The following MOB2 variants were observed in gnomAD, a reference collection of about 807,000 sequenced individuals.
MOB2 encodes the protein MOB2 Mps One Binder homolog.
A neutral mutation model predicts 27.4 loss-of-function variants in MOB2; 14 were observed. The ratio of observed to expected loss-of-function variants is 0.51; its 90% CI spans 0.34 to 0.80. MOB2 has a LOEUF of 0.80. Among genes scored for constraint, MOB2 ranks in the 30% least tolerant of loss-of-function variants. MOB2 has a pLI of 0.01. For missense variants in MOB2, 304 were observed against 354.6 expected (o/e 0.86, Z 1.15); for synonymous variants, 167 against 151.8 (o/e 1.10, Z -0.74).
At position 1,469,942 on chromosome 11, in the gene MOB2, T is replaced by C. The variant is rs2133355424; in HGVS notation, c.*230A>G. ...CATGCGTGTCTGCTGAACGAGTGAA[T>C]GGGCCCAAAGGCTCTTCTCTACAAA... On this transcript the variant is annotated 3_prime_UTR_variant, in exon 5 of 5. Transcript: ENST00000329957. 1 of 1,023,994 alleles carries C rather than the reference T, an allele frequency of 9.8e-7. No individual in the cohort carries two copies. The highest frequency in any genetic ancestry group is 1.4e-5 in the South Asian group (1 of 73,090). 63.4% of individuals were successfully genotyped at this position (1,023,994 alleles called of 1,614,324 possible). A position where few individuals can be genotyped will look rare whatever the true frequency, so the allele number is the denominator to read the frequency against.
intron 3 of MOB2, chr11:1,473,538 C>G (rs562076751): frequency 3.3e-4 from 50 of 152,286 alleles, no homozygotes; most frequent in African/African-American, 1.1e-3. Context: ...TCCAGGTACC[C>G]TGACACTGCA....
chr11:1,471,450 C>A (rs760997219), intron 3 of MOB2, 31 bp from the exon 4 acceptor site: 1 of 1,587,310 alleles, frequency 6.3e-7, no homozygotes, highest in Non-Finnish European at 8.6e-7. Context: ...TCAGGGCATG[C>A]GCCCGCTGCA....
chr11:1,473,129 T>A (rs2133359057), intron 3 of MOB2: 1 of 152,700 alleles, frequency 6.5e-6, no homozygotes, highest in East Asian at 1.9e-4. Context: ...AGCTCTCATG[T>A]GTGCCCTGTG....
chr11:1,481,151 G>A (rs747026309), intron 1 of MOB2: 2 of 605,718 alleles, frequency 3.3e-6, no homozygotes, highest in South Asian at 3.2e-5. Flanking sequence ...CTGCACGGAG[G>A]GCATCCTCAC....
At chr11:1,476,706 C>G (rs1038841504) in intron 3 of MOB2, among the ~76,000 whole-genome samples, 2 of 152,238 alleles carry the variant, frequency 1.3e-5, no homozygotes, top group African/African-American at 4.8e-5. Context: ...TGAAAGTCAT[C>G]TTCTTTTTCT....
At position 1,480,787 on chromosome 11, in the gene MOB2, T is replaced by C. The variant is rs746690324; in HGVS notation, c.209A>G (p.Gln70Arg). The C allele has an allele frequency of 1.9e-6, 3 of 1,601,028 alleles. No homozygotes were observed. The highest frequency in any genetic ancestry group is 2.6e-6 in the Non-Finnish European group (3 of 1,174,274). Residue 70 changes from glutamine to arginine, a missense_variant, in exon 2 of 5, where the codon CAG becomes CGG. Physicochemically the swap from Gln to Arg is conservative, Grantham distance 43. Coordinates refer to ENST00000329957, the MANE Select transcript of MOB2 (RefSeq NM_001172223.3). ...GGGCAGCACCACCAGCTCCTTGAAC[T>C]GGAAGTCGGTGATCCTGGCCTTGGT... ...EHTKARITDF[Q>R]FKELVVLPRE...
In MOB2 at chr11:1,480,522, G is replaced by T. The variant is rs368133670; in HGVS notation, c.272-36C>A. ...AGAGAAGGAGCCAGATGTGAAAAAC[G>T]CCAGAGCTGAGCCGCCCCGTCCACC... On this transcript the variant is annotated intron_variant, in intron 2 of 4. Transcript: ENST00000329957. 4.5e-5 allele frequency: 72 copies of T among 1,605,544 alleles called. No homozygotes were observed. The African/African-American group carries it at 8.4e-4, about 19-fold the overall frequency.
At chr11:1,481,875 G>A (rs936120375) in intron 1 of MOB2, among the ~76,000 whole-genome samples, 1 of 152,194 alleles carries the variant, frequency 6.6e-6, no homozygotes, top group African/African-American at 2.4e-5. Flanking sequence ...TGGGCCACAT[G>A]CAGCGTGGGC....
rs1216703916 is a variant in MOB2 at position 1,469,727 on chromosome 11, G to A, written c.*445C>T. On this transcript the variant is annotated 3_prime_UTR_variant, in exon 5 of 5. Coordinates refer to ENST00000329957, the MANE Select transcript of MOB2 (RefSeq NM_001172223.3). ...TCCTGGCGAGGCCGGGAGAGGAGGG[G>A]TGAGAGGGAAGGAGGGTCTCTGTGA... is the stretch of plus-strand genomic sequence containing the variant. The A allele has an allele frequency of 2.2e-6, 1 of 462,404 alleles. No homozygotes were observed. The highest frequency in any genetic ancestry group is 4.3e-6 in the Non-Finnish European group (1 of 231,170). The allele number at this position is 462,404 out of a possible 1,614,324, so 28.6% of individuals were successfully genotyped here. A position where few individuals can be genotyped will look rare whatever the true frequency, so the allele number is the denominator to read the frequency against.
In MOB2 at chr11:1,469,970, G is replaced by T. The variant is rs1481985640; in HGVS notation, c.*202C>A. Reference sequence around the variant, plus strand: ...GCCCAAAGGCTCTTCTCTACAAACGGCACGCATCCATCCGACAGGGGGCCA... The same window carrying T: ...GCCCAAAGGCTCTTCTCTACAAACGTCACGCATCCATCCGACAGGGGGCCA... On this transcript the variant is annotated 3_prime_UTR_variant, in exon 5 of 5. Transcript: ENST00000329957. 1 of 1,301,794 alleles carries T rather than the reference G, an allele frequency of 7.7e-7. No homozygotes were observed. Among genetic ancestry groups the T allele is most frequent in the Non-Finnish European group, 1.1e-6 (1 of 933,730 alleles). 80.6% of individuals were successfully genotyped at this position (1,301,794 alleles called of 1,614,324 possible). A position where few individuals can be genotyped will look rare whatever the true frequency, so the allele number is the denominator to read the frequency against.
At chr11:1,480,175 C>T (rs985334647) in intron 3 of MOB2, among the ~76,000 whole-genome samples, 1 of 152,192 alleles carries the variant, frequency 6.6e-6, no homozygotes, top group African/African-American at 2.4e-5. Flanking sequence ...CCAGCTCCTG[C>T]ACCTTCTGGG....
chr11:1,486,369 G>A, intron 1 of MOB2, 78 bp downstream of exon 1: 1 of 1,161,604 alleles, frequency 8.6e-7, no homozygotes, highest in Non-Finnish European at 1.2e-6. Context: ...TCCCCACCCT[G>A]ACCTCCTTCC....
chr11:1,486,640 C>G lies in MOB2; in HGVS notation c.-84G>C, dbSNP rs1847973525. The G allele has an allele frequency of 3.4e-6, 3 of 893,932 alleles. No homozygotes were observed. Among genetic ancestry groups the G allele is most frequent in the African/African-American group, 1.6e-5 (1 of 60,770 alleles). The allele number at this position is 893,932 out of a possible 1,614,324, so 55.4% of individuals were successfully genotyped here. Reference sequence around the variant, plus strand: ...TCGCAAATGCCTGCTGCCGGGCCCTCCAGCCTCACTCCCTGGCCAATGGGA... The same window carrying G: ...TCGCAAATGCCTGCTGCCGGGCCCTGCAGCCTCACTCCCTGGCCAATGGGA... On this transcript the variant is annotated 5_prime_UTR_variant, in exon 1 of 5. Transcript: ENST00000329957.
chr11:1,483,096 C>T (rs543072889), intron 1 of MOB2, among the ~76,000 whole-genome samples: 1 of 152,104 alleles, frequency 6.6e-6, no homozygotes, highest in South Asian at 2.1e-4. Flanking sequence ...CTCTGCGGCG[C>T]CCCCCGCAGG....
At chr11:1,476,674 T>G (rs1227253360) in intron 3 of MOB2, among the ~76,000 whole-genome samples, 2 of 152,250 alleles carry the variant, frequency 1.3e-5, no homozygotes, top group Non-Finnish European at 2.9e-5. Context: ...TTTTTCTAGT[T>G]TAAGTTGGAA....
chr11:1,470,620 A>G, intron 4 of MOB2, 132 bp from the exon 5 acceptor site: 9 of 1,043,126 alleles, frequency 8.6e-6, no homozygotes, highest in Non-Finnish European at 1.1e-5. Flanking sequence ...AGGGCCTACA[A>G]AGCCCCAGCA....
At chr11:1,481,962 C>G (rs1403250858) in intron 1 of MOB2, among the ~76,000 whole-genome samples, 2 of 152,152 alleles carry the variant, frequency 1.3e-5, no homozygotes, top group East Asian at 3.9e-4. Flanking sequence ...CGCCCCAGCA[C>G]AGCGAGGCAC....
At position 1,469,998 on chromosome 11, in the gene MOB2, G is replaced by A. The variant is rs1308952895; in HGVS notation, c.*174C>T. ...CGCATCCATCCGACAGGGGGCCACAGGACACGGCCGGGGCCGTCTGCGTCT... is the reference window on the plus strand; with the variant it reads ...CGCATCCATCCGACAGGGGGCCACAAGACACGGCCGGGGCCGTCTGCGTCT... On this transcript the variant is annotated 3_prime_UTR_variant, in exon 5 of 5. Transcript: ENST00000329957. 4.6e-6 allele frequency: 7 copies of A among 1,508,978 alleles called. No individual in the cohort carries two copies. In the East Asian group the frequency reaches 1.7e-4, roughly 37 times the overall value. 93.5% of individuals were successfully genotyped at this position (1,508,978 alleles called of 1,614,324 possible).
chr11:1,482,864 G>A (rs949708374), intron 1 of MOB2, among the ~76,000 whole-genome samples: 15 of 152,168 alleles, frequency 9.9e-5, no homozygotes, highest in African/African-American at 3.4e-4. Context: ...AGCCCCGAAC[G>A]CCTGGCAGCA....
Sources: allele counts gnomAD v4.1 joint callset (sites outside exome capture counted in the v4.1 genomes callset), GRCh38; gene constraint gnomAD v4.1.1; transcripts MANE v1.5; gene names NCBI Gene and HGNC (gene_info 2026-07-23, HGNC 2026-07-21).